Variants in FLNC observed in about 807,000 individuals in gnomAD.
FLNC encodes the protein filamin C.
In FLNC, 91 loss-of-function variants were observed where a neutral mutation model predicts 254.3. That is an observed-to-expected ratio of 0.36 (90% confidence interval 0.30 to 0.43). The LOEUF (loss-of-function observed/expected upper bound fraction) is 0.43, where lower values mean the gene tolerates loss of function less well. Among genes scored for constraint, FLNC ranks in the 20% least tolerant of loss-of-function variants. FLNC has a pLI of 1.00. For missense variants in FLNC, 2,853 were observed against 3,802.6 expected, an observed-to-expected ratio of 0.75 and a Z score of 6.57; for synonymous variants, 1,430 against 1,577.2, an observed-to-expected ratio of 0.91 and a Z score of 2.21.
chr7:128,845,859 G>T, intron 21 of FLNC, 131 bp from the exon 22 acceptor site: 1 of 810,796 alleles, frequency 1.2e-6, no homozygotes, highest in Non-Finnish European at 2.0e-6. Context: ...GAGGGGGAGA[G>T]GAGGGTGAGA....
intron 32 of FLNC, 132 bp downstream of exon 32, chr7:128,850,615 T>C: frequency 3.4e-6 from 4 of 1,191,788 alleles, no homozygotes; most frequent in East Asian, 2.5e-5. Context: ...ACACAGCAAG[T>C]TGGGCAGAGC....
chr7:128,850,591 C>T (rs1808765722), intron 32 of FLNC, 108 bp downstream of exon 32: 1 of 1,207,496 alleles, frequency 8.3e-7, no homozygotes, highest in Non-Finnish European at 1.2e-6. Flanking sequence ...AGGAAGTGAG[C>T]TCTACCCAGG....
Position 128,835,462 on chromosome 7 carries a change from G to A in FLNC, c.489G>A (p.Gln163=), listed in dbSNP as rs1382736500. 3 of 1,613,878 alleles carry A rather than the reference G, an allele frequency of 1.9e-6. No individual in the cohort carries two copies. Among genetic ancestry groups the A allele is most frequent in the Non-Finnish European group, 2.5e-6 (3 of 1,180,042 alleles). ...DEDARKQTPK[Q]RLLGWIQNKV... ...ATGCCCGCAAACAGACGCCCAAGCA[G>A]CGGCTGCTTGGCTGGATCCAGAACA... The change falls in exon 2 of 48, where the codon CAG becomes CAA. Residue 163 remains glutamine (Q), a synonymous_variant. Transcript: ENST00000325888. This position sits in a 1 kb window ranked among gnomAD's most constrained non-coding sequence, Gnocchi z 5.3.
intron 3 of FLNC, 59 bp from the exon 4 acceptor site, chr7:128,837,339 G>A (rs1808133861): frequency 1.9e-6 from 3 of 1,612,628 alleles, no homozygotes; most frequent in Non-Finnish European, 2.5e-6. Context: ...GGGTGCAGGG[G>A]GAGACTGGGG....
Position 128,840,154 on chromosome 7 carries a change from G to A in FLNC, c.1543G>A (p.Gly515Arg), listed in dbSNP as rs751435394. The change falls in exon 9 of 48, where the codon GGG becomes AGG. Residue 515 changes from glycine to arginine, a missense_variant. Coordinates refer to ENST00000325888, the MANE Select transcript of FLNC (RefSeq NM_001458.5). ...CGGGGAGCTCAAGGTCACGGTCAAGGGGCCAAGTGAGTGCCAGAGCCCAGG... is the reference window on the plus strand; with the variant it reads ...CGGGGAGCTCAAGGTCACGGTCAAGAGGCCAAGTGAGTGCCAGAGCCCAGG... ...GSGELKVTVK[G>R]PKGTEEPVKV... 8.1e-6 allele frequency: 13 copies of A among 1,613,704 alleles called. No individual in the cohort carries two copies. The highest frequency in any genetic ancestry group is 1.1e-5 in the Non-Finnish European group (13 of 1,180,030).
chr7:128,842,979 A>G lies in FLNC; in HGVS notation c.2550+25A>G. On this transcript the variant is annotated intron_variant, in intron 16 of 47. Coordinates refer to ENST00000325888, the MANE Select transcript of FLNC (RefSeq NM_001458.5). This position sits in a 1 kb window ranked among gnomAD's most constrained non-coding sequence, Gnocchi z 5.4. ...GGTACCTAAGCTCCTGGGTACTCAC[A>G]GCGACATGCACCTGCCAGCTCCAGA... The G allele has an allele frequency of 3.1e-6, 5 of 1,612,964 alleles. No homozygotes were observed. The highest frequency in any genetic ancestry group is 4.2e-6 in the Non-Finnish European group (5 of 1,179,526).
Position 128,845,206 on chromosome 7 carries a change from G to C in FLNC, c.3741G>C (p.Ala1247=), listed in dbSNP as rs763047367. ...KFPTRVHVQP[A]VDTSGVKVSG... is the part of the protein sequence containing the mutation. ...CCACCCGTGTCCATGTGCAGCCTGC[G>C]GTCGATACCAGTGGCGTCAAGGTCT... The change falls in exon 21 of 48, where the codon GCG becomes GCC. Residue 1247 remains alanine (A), a synonymous_variant. Coordinates refer to ENST00000325888, the MANE Select transcript of FLNC (RefSeq NM_001458.5). 3.7e-6 allele frequency: 6 copies of C among 1,613,876 alleles called. No homozygotes were observed. The Admixed American group carries it at 1.0e-4, about 27-fold the overall frequency.
rs751401489 is a variant in FLNC, at chr7:128,844,879, C to A, written c.3414C>A (p.Ala1138=). 2 of 1,614,084 alleles carry A rather than the reference C, an allele frequency of 1.2e-6. No individual in the cohort carries two copies. The highest frequency in any genetic ancestry group is 3.3e-5 in the Admixed American group (2 of 60,036). ...CCATCAACATCCTGTTTGCTGAGGCCCACATCCCTGGCTCGCCCTTCAAAG... is the reference window on the plus strand; with the variant it reads ...CCATCAACATCCTGTTTGCTGAGGCACACATCCCTGGCTCGCCCTTCAAAG... ...EYTINILFAE[A]HIPGSPFKAT... is the part of the protein sequence containing the mutation. Residue 1138 remains alanine, a synonymous_variant, in exon 21 of 48, where the codon GCC becomes GCA. Coordinates refer to ENST00000325888, the MANE Select transcript of FLNC (RefSeq NM_001458.5).
intron 20 of FLNC, among the ~76,000 whole-genome samples, 183 bp from the exon 21 acceptor site, chr7:128,844,475 C>A (rs1808471199): frequency 6.6e-6 from 1 of 152,210 alleles, no homozygotes; most frequent in African/African-American, 2.4e-5. Context: ...GGGCTTGAAT[C>A]CCAGGTCCAC....
chr7:128,843,376 G>GGC, intron 17 of FLNC, 32 bp from the exon 18 acceptor site: 1 of 1,613,604 alleles, frequency 6.2e-7, no homozygotes, highest in Non-Finnish European at 8.5e-7. Flanking sequence ...GTGGCTGCCA[G>GGC]GCCCTCACCA....
In FLNC at chr7:128,850,889, A is replaced by G; in HGVS notation, c.5485A>G (p.Thr1829Ala). The G allele has an allele frequency of 6.2e-7, 1 of 1,613,326 alleles. No individual in the cohort carries two copies. The highest frequency in any genetic ancestry group is 1.1e-5 in the South Asian group (1 of 90,996). Residue 1829 changes from threonine to alanine, a missense_variant, in exon 33 of 48, where the codon ACT becomes GCT. This residue lies in a region of FLNC where 258 missense variants were observed against 312.3 expected (regional missense o/e 0.83). Coordinates refer to ENST00000325888, the MANE Select transcript of FLNC (RefSeq NM_001458.5). ...DGTITVRYAP[T>A]EKGLHQMGIK... is the part of the protein sequence containing the mutation. ...CACCATCACGGTGAGGTATGCACCC[A>G]CTGAGAAAGGCCTGCACCAGATGGG...
chr7:128,851,493 G>A lies in FLNC; in HGVS notation c.5707G>A (p.Glu1903Lys). 1 of 1,614,002 alleles carries A rather than the reference G, an allele frequency of 6.2e-7. No homozygotes were observed. Among genetic ancestry groups the A allele is most frequent in the African/African-American group, 1.3e-5 (1 of 75,062 alleles). Residue 1903 changes from glutamate to lysine, a missense_variant, in exon 35 of 48, where the codon GAG (glutamate) becomes AAG (lysine). Physicochemically the swap from Glu to Lys is moderately conservative, Grantham distance 56. Coordinates refer to ENST00000325888, the MANE Select transcript of FLNC (RefSeq NM_001458.5). ...SLAVEGPSKAEITCKDNKDGT... is the reference protein window; with the variant it reads ...SLAVEGPSKAKITCKDNKDGT... ...GGCCGTGGAGGGCCCATCCAAGGCA[G>A]AGATCACCTGTAAGGACAACAAGGA...
rs367931139 is a variant in FLNC, at chr7:128,846,390, C to A, written c.4054C>A (p.Arg1352Ser). 1 of 1,611,316 alleles carries A rather than the reference C, an allele frequency of 6.2e-7. No homozygotes were observed. Among genetic ancestry groups the A allele is most frequent in the South Asian group, 1.1e-5 (1 of 91,082 alleles). Residue 1352 changes from arginine to serine, a missense_variant, in exon 23 of 48, where the codon CGC becomes AGC. Arg to Ser is a moderately radical substitution (Grantham distance 110, BLOSUM62 -1). Transcript: ENST00000325888. Reference sequence around the variant, plus strand: ...CGTGACCGAGGGCTGTGATCCCACCCGCGTCCGAGCCTTCGGGCCAGGCCT... The same window carrying A: ...CGTGACCGAGGGCTGTGATCCCACCAGCGTCCGAGCCTTCGGGCCAGGCCT... ...VGVTEGCDPT[R>S]VRAFGPGLEG...
Position 128,830,815 on chromosome 7 carries a change from C to T in FLNC, c.178C>T (p.Leu60=), listed in dbSNP as rs769115105. 4 of 1,613,126 alleles carry T rather than the reference C, an allele frequency of 2.5e-6. No homozygotes were observed. The highest frequency in any genetic ancestry group is 2.2e-5 in the South Asian group (2 of 91,084). ...GTGCGTGGGCAAGCGCCTGACCGAC[C>T]TGCAGCGCGACCTCAGCGACGGGCT... The part of the protein sequence containing the change: ...LKCVGKRLTD[L]QRDLSDGLRL... Residue 60 remains leucine (L), a synonymous_variant, in exon 1 of 48, where the codon CTG becomes TTG. Transcript: ENST00000325888.
At position 128,840,006 on chromosome 7, in the gene FLNC, T is replaced by A; in HGVS notation, c.1412-17T>A. 1 of 1,611,352 alleles carries A rather than the reference T, an allele frequency of 6.2e-7. No homozygotes were observed. Among genetic ancestry groups the A allele is most frequent in the Non-Finnish European group, 8.5e-7 (1 of 1,179,896 alleles). Reference sequence around the variant, plus strand: ...GGCCCCTCAGCACCCCCAACCTCCTTTCTCTTCCTCCCCTAGCCTGTAACC... The same window carrying A: ...GGCCCCTCAGCACCCCCAACCTCCTATCTCTTCCTCCCCTAGCCTGTAACC... On this transcript the variant is annotated splice_polypyrimidine_tract_variant and intron_variant, in intron 8 of 47. Transcript: ENST00000325888.
chr7:128,831,025 G>T (rs771331325), intron 1 of FLNC, 36 bp downstream of exon 1: 10 of 1,591,346 alleles, frequency 6.3e-6, no homozygotes, highest in Non-Finnish European at 8.5e-6. Flanking sequence ...GCGCTGCGGG[G>T]ATAGGGTCGT....
chr7:128,840,175 C>A lies in FLNC; in HGVS notation c.1549+15C>A, dbSNP rs181134489. The A allele has an allele frequency of 6.0e-3, 9,708 of 1,613,320 alleles. 46 individuals are homozygous for A. Among genetic ancestry groups the A allele is most frequent in the Middle Eastern group, 0.017 (104 of 6,060 alleles). ...CAAGGGGCCAAGTGAGTGCCAGAGC[C>A]CAGGGTCGTGAGGGTGGGGCTGGGG... On this transcript the variant is annotated intron_variant, in intron 9 of 47. Coordinates refer to ENST00000325888, the MANE Select transcript of FLNC (RefSeq NM_001458.5).
At position 128,858,735 on chromosome 7, in the gene FLNC, C is replaced by G; in HGVS notation, c.*212C>G. On this transcript the variant is annotated 3_prime_UTR_variant, in exon 48 of 48. Transcript: ENST00000325888. The surrounding 1 kb of genome is among the most constrained non-coding windows in gnomAD (Gnocchi z 6.7). ...TTGTCTGTGTCAGGACAGTGTCCCTCCCTGGGAATGTGACATGAGGGCCGA... is the reference window on the plus strand; with the variant it reads ...TTGTCTGTGTCAGGACAGTGTCCCTGCCTGGGAATGTGACATGAGGGCCGA... 1.7e-6 allele frequency: 1 copy of G among 590,714 alleles called. No individual in the cohort carries two copies. The allele number at this position is 590,714 out of a possible 1,614,324, so 36.6% of individuals were successfully genotyped here.
intron 31 of FLNC, 94 bp from the exon 32 acceptor site, chr7:128,850,290 C>T: frequency 1.8e-6 from 2 of 1,132,316 alleles, no homozygotes; most frequent in East Asian, 2.3e-5. Context: ...GATTAACTAC[C>T]TTGTTCTTTC....
Sources: gnomAD v4.1 joint callset for allele counts (sites outside exome capture counted in the v4.1 genomes callset) on GRCh38, gnomAD v4.1.1 for gene constraint, gnomAD v4.1.1 regional missense constraint, Gnocchi (gnomAD v3.1) non-coding constraint, MANE v1.5 for transcripts, NCBI Gene and HGNC (gene_info 2026-07-23, HGNC 2026-07-21) for gene names.